DOCK5: variants seen among roughly 807,000 people sequenced by gnomAD.
DOCK5 encodes the protein dedicator of cytokinesis 5, also known as dedicator of cytokinesis protein 5.
DOCK5 carries 142 observed loss-of-function variants against 251.8 expected under a neutral mutation model. That is an observed-to-expected ratio of 0.56 (90% CI 0.49 to 0.65). The LOEUF (loss-of-function observed/expected upper bound fraction) is 0.65, where lower values mean the gene tolerates loss of function less well. Among genes scored for constraint, DOCK5 ranks in the 30% least tolerant of loss-of-function variants. DOCK5 has a pLI of 0.00. For missense variants in DOCK5, 2,111 were observed against 2,312.3 expected (o/e 0.91, Z 1.79); for synonymous variants, 842 against 835.5 (o/e 1.01, Z -0.13).
At chr8:25,296,696 G>A (rs1804624441) in intron 7 of DOCK5, 48 bp downstream of exon 7, 7 of 1,597,702 alleles carry the variant, frequency 4.4e-6, no homozygotes, top group Non-Finnish European at 6.0e-6. Flanking sequence ...TTCCATTTTT[G>A]CCTTGGTTTT....
intron 28 of DOCK5, among the ~76,000 whole-genome samples, chr8:25,360,710 A>G (rs1387105795): frequency 6.6e-6 from 1 of 152,208 alleles, no homozygotes; most frequent in Non-Finnish European, 1.5e-5. Flanking sequence ...AATGCCTATG[A>G]GGACTAGCTG....
intron 14 of DOCK5, among the ~76,000 whole-genome samples, chr8:25,317,802 G>A (rs1328061635): frequency 1.3e-5 from 2 of 152,100 alleles, no homozygotes; most frequent in Non-Finnish European, 2.9e-5. Context: ...TATTAGAGAC[G>A]GGGTTTCACC....
chr8:25,386,258 A>G (rs1224412458), intron 40 of DOCK5, among the ~76,000 whole-genome samples: 1 of 152,124 alleles, frequency 6.6e-6, no homozygotes, highest in Non-Finnish European at 1.5e-5. Flanking sequence ...GTTGGGGATG[A>G]GGTGGACCAG....
chr8:25,407,906 T>C, intron 48 of DOCK5, 77 bp from the exon 49 acceptor site: 1 of 1,391,452 alleles, frequency 7.2e-7, no homozygotes, highest in Admixed American at 2.6e-5. Context: ...GAGTCATAAC[T>C]GCTGGTACTT....
intron 45 of DOCK5, among the ~76,000 whole-genome samples, chr8:25,397,370 A>G (rs914503604): frequency 2.6e-5 from 4 of 152,194 alleles, no homozygotes; most frequent in African/African-American, 4.8e-5. Flanking sequence ...CTTCCTGCCT[A>G]CTTGGAGCAG....
Position 25,412,078 on chromosome 8 carries a change from C to CTTTTTTT in DOCK5, c.*797_*803dup, listed in dbSNP as rs56131241. ...GAAGCTCTTCCTTTTGCACATACGG[C>CTTTTTTT]TTTTTTTTTTTTTTTTTTTTTTTGT... On this transcript the variant is annotated 3_prime_UTR_variant, in exon 52 of 52. Coordinates refer to ENST00000276440, the MANE Select transcript of DOCK5 (RefSeq NM_024940.8). 2.1e-4 allele frequency: 17 copies of CTTTTTTT among 82,878 alleles called. No homozygotes were observed. Among genetic ancestry groups the CTTTTTTT allele is most frequent in the East Asian group, 9.3e-4 (2 of 2,152 alleles). 5.1% of individuals were successfully genotyped at this position (82,878 alleles called of 1,614,324 possible). A position where few individuals can be genotyped will look rare whatever the true frequency, so the allele number is the denominator to read the frequency against.
At chr8:25,203,990 A>G (rs1474053688) in intron 1 of DOCK5, among the ~76,000 whole-genome samples, 1 of 152,212 alleles carries the variant, frequency 6.6e-6, no homozygotes, top group Admixed American at 6.5e-5. Flanking sequence ...TTCGTCTTAG[A>G]TGTCTTTATC....
At position 25,380,464 on chromosome 8, in the gene DOCK5, C is replaced by T. The variant is rs188461611; in HGVS notation, c.4026+70C>T. The T allele has an allele frequency of 1.4e-4, 187 of 1,332,482 alleles. 1 individual carries two copies. The African/African-American group carries it at 2.4e-3, about 17-fold the overall frequency. The allele number at this position is 1,332,482 out of a possible 1,614,324, so 82.5% of individuals were successfully genotyped here. A position where few individuals can be genotyped will look rare whatever the true frequency, so the allele number is the denominator to read the frequency against. ...AAATTAGCACTCATGAAAATGTTTC[C>T]GTAAGTTGAAAGTCAGGATGAATGG... On this transcript the variant is annotated intron_variant, in intron 39 of 51. Transcript: ENST00000276440.
At chr8:25,249,373 T>G (rs1803206796) in intron 2 of DOCK5, among the ~76,000 whole-genome samples, 1 of 152,210 alleles carries the variant, frequency 6.6e-6, no homozygotes, top group Admixed American at 6.5e-5. Flanking sequence ...AATTTACTTA[T>G]TTAAAGTATA....
chr8:25,299,127 G>A, intron 8 of DOCK5, 26 bp downstream of exon 8: 1 of 1,607,986 alleles, frequency 6.2e-7, no homozygotes, highest in Non-Finnish European at 8.5e-7. Flanking sequence ...ATCCCCTGCT[G>A]CTGACCTAAC....
chr8:25,410,936 A>AGAGAGAGAGG (rs59476898), intron 51 of DOCK5, among the ~76,000 whole-genome samples: 1 of 110,236 alleles, frequency 9.1e-6, no homozygotes, highest in African/African-American at 3.5e-5. Context: ...AGAGAGAGAG[A>AGAGAGAGAGG]AAATGTGTGT....
intron 26 of DOCK5, among the ~76,000 whole-genome samples, chr8:25,348,458 G>A (rs573631241): frequency 6.6e-6 from 1 of 152,210 alleles, no homozygotes; most frequent in Non-Finnish European, 1.5e-5. Context: ...ACTGGGATCA[G>A]CTAGGGCTAT....
rs556320414 is a variant in DOCK5, at chr8:25,400,314, C to G, written c.4788+320C>G. Reference sequence around the variant, plus strand: ...AGGAGTTCCAGACCAGCCTGGCCAACATGGTGAAACCCCATCTCTACTAAA... The same window carrying G: ...AGGAGTTCCAGACCAGCCTGGCCAAGATGGTGAAACCCCATCTCTACTAAA... On this transcript the variant is annotated intron_variant, in intron 46 of 51. Transcript: ENST00000276440. Among the ~76,000 whole-genome samples the G allele has an allele frequency of 1.9e-4, 29 of 152,066 alleles. No homozygotes were observed. In the South Asian group the frequency reaches 5.8e-3, roughly 30 times the overall value.
chr8:25,400,177 C>T (rs781128463), intron 46 of DOCK5, among the ~76,000 whole-genome samples, 183 bp downstream of exon 46: 2 of 152,092 alleles, frequency 1.3e-5, no homozygotes, highest in Non-Finnish European at 2.9e-5. Context: ...CCAGGGTTGA[C>T]GGAGCCTTCT....
At chr8:25,347,672 A>G (rs952643499) in intron 26 of DOCK5, among the ~76,000 whole-genome samples, 2 of 152,214 alleles carry the variant, frequency 1.3e-5, no homozygotes, top group Non-Finnish European at 2.9e-5. Flanking sequence ...TAGAAATCAT[A>G]TGTTTATGAT....
rs17053228 is a variant in DOCK5 at position 25,244,053 on chromosome 8, C to G, written c.127+296C>G. Among the ~76,000 whole-genome samples, 28 of 152,252 alleles carry G rather than the reference C, an allele frequency of 1.8e-4. 1 individual carries two copies. Among genetic ancestry groups the G allele is most frequent in the Middle Eastern group, 6.8e-3 (2 of 294 alleles). On this transcript the variant is annotated intron_variant, in intron 2 of 51. Transcript: ENST00000276440. ...AAGGATCAGTGACAGAGCTGGCTCGCGAGGAGACACTTGGGATGTTGGGCT... is the reference window on the plus strand; with the variant it reads ...AAGGATCAGTGACAGAGCTGGCTCGGGAGGAGACACTTGGGATGTTGGGCT...
rs928681645 is a variant in DOCK5 at position 25,323,903 on chromosome 8, G to A, written c.1671G>A (p.Pro557=). 1.2e-5 allele frequency: 20 copies of A among 1,613,282 alleles called. No homozygotes were observed. The highest frequency in any genetic ancestry group is 1.6e-4 in the Middle Eastern group (1 of 6,084). Residue 557 remains proline (P), a synonymous_variant, in exon 17 of 52, where the codon CCG becomes CCA. Transcript: ENST00000276440. ...TGGCCTTCGTGAAGCTGATGAACCC[G>A]GATGGCACCACTCTGCAGGATGGGA... The part of the protein sequence containing the change: ...FGVAFVKLMN[P]DGTTLQDGRH...
chr8:25,219,798 T>G (rs1444968847), intron 1 of DOCK5, among the ~76,000 whole-genome samples: 7 of 152,074 alleles, frequency 4.6e-5, no homozygotes, highest in Admixed American at 2.6e-4. Context: ...TCTAAAATCT[T>G]CTCTTTATTT....
At chr8:25,306,644 A>C (rs573507759) in intron 11 of DOCK5, among the ~76,000 whole-genome samples, 139 of 152,188 alleles carry the variant, frequency 9.1e-4, no homozygotes, top group African/African-American at 3.2e-3. Flanking sequence ...CAGTGAGCCA[A>C]GATCACGCCA....
Sources: allele counts gnomAD v4.1 joint callset (sites outside exome capture counted in the v4.1 genomes callset), GRCh38; gene constraint gnomAD v4.1.1; transcripts MANE v1.5; gene names NCBI Gene and HGNC (gene_info 2026-07-23, HGNC 2026-07-21).